Variants in CCSER1 observed in about 807,000 individuals in gnomAD.
CCSER1 encodes the protein coiled-coil serine rich protein 1, also known as serine-rich coiled-coil domain-containing protein 1.
A neutral mutation model predicts 82.0 loss-of-function variants in CCSER1; 41 were observed. The ratio of observed to expected loss-of-function variants is 0.50; its 90% confidence interval spans 0.39 to 0.65. The LOEUF (loss-of-function observed/expected upper bound fraction) is 0.65. Among genes scored for constraint, CCSER1 ranks in the 30% least tolerant of loss-of-function variants. CCSER1 has a pLI of 0.00. For missense variants in CCSER1, 1,119 were observed against 1,064.2 expected (o/e 1.05, Z -0.72); for synonymous variants, 414 against 383.9 (o/e 1.08, Z -0.92).
intron 10 of CCSER1, among the ~76,000 whole-genome samples, chr4:91,190,762 C>T (rs1734928295): frequency 6.6e-6 from 1 of 152,122 alleles, no homozygotes; most frequent in Admixed American, 6.5e-5. Flanking sequence ...AAATATTATT[C>T]CCCTGAATTG....
intron 1 of CCSER1, among the ~76,000 whole-genome samples, chr4:90,303,935 G>T (rs1733699915): frequency 6.6e-6 from 1 of 151,896 alleles, no homozygotes; most frequent in Non-Finnish European, 1.5e-5. Context: ...AATCTACAAT[G>T]AACTCAAACA....
chr4:90,932,966 GAAAGAA>G lies in CCSER1; in HGVS notation c.2172+9521_2172+9526del, dbSNP rs1554046104. Among the ~76,000 whole-genome samples the G allele has an allele frequency of 4.7e-4, 16 of 34,216 alleles. 2 individuals carry two copies. Among genetic ancestry groups the G allele is most frequent in the East Asian group, 1.1e-3 (2 of 1,788 alleles). The allele number at this position is 34,216 out of a possible 152,430, so 22.4% of individuals were successfully genotyped here. The stretch of plus-strand genomic sequence containing the variant: ...AGAAAGAAAGAAAGAAAGAAAGAAA[GAAAGAA>G]AGAAAGAAAGAGAAAGAAAGAAAGA... On this transcript the variant is annotated intron_variant, in intron 9 of 10. Transcript: ENST00000509176.
rs549156589 is a variant in CCSER1, at chr4:91,116,916, A to T, written c.2217+30922A>T. On this transcript the variant is annotated intron_variant, in intron 10 of 10. Coordinates refer to ENST00000509176, the MANE Select transcript of CCSER1 (RefSeq NM_001145065.2). ...AAATGAGAGACTGGTGATTTTTTAA[A>T]TGTTCATCATATTTAGTAGGCTACT... Among the ~76,000 whole-genome samples, 48 of 152,286 alleles carry T rather than the reference A, an allele frequency of 3.2e-4. 2 individuals carry two copies. The South Asian group carries it at 9.7e-3, about 31-fold the overall frequency.
chr4:90,335,765 C>T (rs1463832316), intron 3 of CCSER1, among the ~76,000 whole-genome samples: 1 of 152,136 alleles, frequency 6.6e-6, no homozygotes, highest in Non-Finnish European at 1.5e-5. Context: ...CCTATTGAAT[C>T]CTACCTCCCT....
chr4:91,083,169 C>A (rs1300438582), intron 9 of CCSER1, among the ~76,000 whole-genome samples: 1 of 152,166 alleles, frequency 6.6e-6, no homozygotes, highest in African/African-American at 2.4e-5. Flanking sequence ...CCCAAATGTC[C>A]ATCAATGATA....
At chr4:90,560,671 T>C (rs1778658492) in intron 5 of CCSER1, among the ~76,000 whole-genome samples, 1 of 152,192 alleles carries the variant, frequency 6.6e-6, no homozygotes, top group African/African-American at 2.4e-5. Flanking sequence ...TTCATACTCC[T>C]TATTATATTA....
At chr4:90,956,766 CTT>C (rs34175078) in intron 9 of CCSER1, among the ~76,000 whole-genome samples, 162 of 137,438 alleles carry the variant, frequency 1.2e-3, no homozygotes, top group Middle Eastern at 3.8e-3. Flanking sequence ...TCTTCCTCTT[CTT>C]TTTTTTTTTT....
At chr4:91,456,123 C>A (rs1306376834) in intron 10 of CCSER1, among the ~76,000 whole-genome samples, 1 of 151,992 alleles carries the variant, frequency 6.6e-6, no homozygotes, top group Non-Finnish European at 1.5e-5. Flanking sequence ...AGTCTGAGTT[C>A]CAGCCTGGTC....
At chr4:90,296,099 C>T (rs1023412621) in intron 1 of CCSER1, among the ~76,000 whole-genome samples, 2 of 151,988 alleles carry the variant, frequency 1.3e-5, no homozygotes, top group African/African-American at 2.4e-5. Flanking sequence ...ACATTGCCAC[C>T]GCTCAACAAA....
chr4:90,776,178 A>G (rs1311883156), intron 7 of CCSER1, among the ~76,000 whole-genome samples: 1 of 152,178 alleles, frequency 6.6e-6, no homozygotes, highest in Non-Finnish European at 1.5e-5. Context: ...CCTCTTTTAA[A>G]TTCCAATTCA....
At chr4:90,437,166 G>A (rs754574989) in intron 4 of CCSER1, among the ~76,000 whole-genome samples, 114 of 152,138 alleles carry the variant, frequency 7.5e-4, no homozygotes, top group Non-Finnish European at 1.3e-3. Context: ...ATTAGAAACA[G>A]GAAGAGAAAC....
At position 91,206,431 on chromosome 4, in the gene CCSER1, G is replaced by C. The variant is rs116304426; in HGVS notation, c.2217+120437G>C. Among the ~76,000 whole-genome samples, 317 of 152,060 alleles carry C rather than the reference G, an allele frequency of 2.1e-3. 1 individual carries two copies. The highest frequency in any genetic ancestry group is 7.3e-3 in the African/African-American group (302 of 41,546). ...GTTCTTTGGAGATGGGGTTTTTGTAGAGTAAAAAGGCACAGCAGGTTAAGG... is the reference window on the plus strand; with the variant it reads ...GTTCTTTGGAGATGGGGTTTTTGTACAGTAAAAAGGCACAGCAGGTTAAGG... On this transcript the variant is annotated intron_variant, in intron 10 of 10. Transcript: ENST00000509176.
chr4:90,543,938 A>G lies in CCSER1; in HGVS notation c.1724+75584A>G, dbSNP rs114000361. Among the ~76,000 whole-genome samples, 901 of 152,254 alleles carry G rather than the reference A, an allele frequency of 5.9e-3. 11 individuals are homozygous for G. Among genetic ancestry groups the G allele is most frequent in the African/African-American group, 0.02 (849 of 41,546 alleles). On this transcript the variant is annotated intron_variant, in intron 5 of 10. Coordinates refer to ENST00000509176, the MANE Select transcript of CCSER1 (RefSeq NM_001145065.2). The stretch of plus-strand genomic sequence containing the variant: ...GAGATTTCACCCTGCATCTCAGCTA[A>G]TGAGTGAGCCTGTCACAGTTTTACA...
intron 10 of CCSER1, among the ~76,000 whole-genome samples, chr4:91,428,178 C>T (rs1451893979): frequency 6.6e-6 from 1 of 151,958 alleles, no homozygotes; most frequent in African/African-American, 2.4e-5. Context: ...ATTTTACAGC[C>T]ACATAAAAAT....
intron 10 of CCSER1, among the ~76,000 whole-genome samples, chr4:91,361,821 C>T (rs367582087): frequency 6.6e-6 from 1 of 151,754 alleles, no homozygotes; most frequent in Admixed American, 6.6e-5. Flanking sequence ...AACTACTGTA[C>T]TAGACAACTT....
rs1764826719 is a variant in CCSER1, at chr4:91,601,740, T to C, written c.*2683T>C. The stretch of plus-strand genomic sequence containing the variant: ...TTCTTTCCTCTTTCTTTTGTGCATG[T>C]GTATGTGTAGCTAAGCCTAAATAAC... On this transcript the variant is annotated 3_prime_UTR_variant, in exon 11 of 11. Transcript: ENST00000509176. 1 of 152,076 alleles carries C rather than the reference T, an allele frequency of 6.6e-6. No homozygotes were observed. The highest frequency in any genetic ancestry group is 1.5e-5 in the Non-Finnish European group (1 of 67,950). 9.4% of individuals were successfully genotyped at this position (152,076 alleles called of 1,614,324 possible).
chr4:91,503,168 C>T (rs1759302586), intron 10 of CCSER1, among the ~76,000 whole-genome samples: 1 of 151,708 alleles, frequency 6.6e-6, no homozygotes, highest in Non-Finnish European at 1.5e-5. Context: ...TGGTGAAACC[C>T]CGTCTCTATT....
At chr4:91,461,814 A>G (rs571602755) in intron 10 of CCSER1, among the ~76,000 whole-genome samples, 2 of 152,174 alleles carry the variant, frequency 1.3e-5, no homozygotes, top group Non-Finnish European at 2.9e-5. Context: ...ATGATTAAGA[A>G]CATATTCTAA....
chr4:91,292,086 T>C (rs573670451), intron 10 of CCSER1, among the ~76,000 whole-genome samples: 1 of 152,182 alleles, frequency 6.6e-6, no homozygotes, highest in African/African-American at 2.4e-5. Flanking sequence ...GAGTAACTCT[T>C]GAAAGGCGAA....
Sources: allele counts gnomAD v4.1 joint callset (sites outside exome capture counted in the v4.1 genomes callset), GRCh38; gene constraint gnomAD v4.1.1; transcripts MANE v1.5; gene names NCBI Gene and HGNC (gene_info 2026-07-23, HGNC 2026-07-21).